Variants in TCF24 observed in about 807,000 individuals in gnomAD.
TCF24 encodes the protein transcription factor 24.
A neutral mutation model predicts 9.3 loss-of-function variants in TCF24; 5 were observed. That is an observed-to-expected ratio of 0.54 (90% CI 0.28 to 1.13). TCF24 has a LOEUF of 1.13. TCF24 is among the 50% of genes most tolerant of loss of function. The pLI, the probability that TCF24 is intolerant of heterozygous loss-of-function variation, is 0.09. For missense variants in TCF24, 220 were observed against 236.1 expected (o/e 0.93, Z 0.45); for synonymous variants, 110 against 115.8 (o/e 0.95, Z 0.32).
Position 66,961,441 on chromosome 8 carries a change from C to G in TCF24, c.325G>C (p.Ala109Pro). 1 of 1,525,988 alleles carries G rather than the reference C, an allele frequency of 6.6e-7. No homozygotes were observed. The highest frequency in any genetic ancestry group is 8.7e-7 in the Non-Finnish European group (1 of 1,142,908). 94.5% of individuals were successfully genotyped at this position (1,525,988 alleles called of 1,614,324 possible). Reference sequence around the variant, plus strand: ...AACCCGGCGTCCGCCGGCGCCTCGGCGTCGTCCTGCAGGCTGCGGGTGAGA... The same window carrying G: ...AACCCGGCGTCCGCCGGCGCCTCGGGGTCGTCCTGCAGGCTGCGGGTGAGA... ...AHLTRSLQDD[A>P]EAPADAGLGA... Residue 109 changes from alanine (A) to proline (P), a missense_variant, in exon 3 of 4, where the codon GCC becomes CCC. Ala to Pro is a conservative substitution (Grantham distance 27). Coordinates refer to ENST00000563496, the MANE Select transcript of TCF24 (RefSeq NM_001193502.2).
chr8:66,953,322 C>T (rs1814088285), intron 3 of TCF24, among the ~76,000 whole-genome samples: 1 of 150,420 alleles, frequency 6.6e-6, no homozygotes, highest in Non-Finnish European at 1.5e-5. Flanking sequence ...ATTTGCTTGT[C>T]TGTAAAGTAT....
chr8:66,949,253 C>A (rs531422890), intron 3 of TCF24, among the ~76,000 whole-genome samples: 15 of 152,146 alleles, frequency 9.9e-5, no homozygotes, highest in African/African-American at 2.4e-4. Context: ...ATCCCTCCCC[C>A]CTCCTCCCAC....
rs182620885 is a variant in TCF24, at chr8:66,955,018, G to A, written c.390+6358C>T. ...TGGCACTGCCTAGTGAGATGAACCC[G>A]GTACCTCAGATGGGAATGCAGAAAT... is the stretch of plus-strand genomic sequence containing the variant. On this transcript the variant is annotated intron_variant, in intron 3 of 3. Coordinates refer to ENST00000563496, the MANE Select transcript of TCF24 (RefSeq NM_001193502.2). The A allele has an allele frequency of 6.5e-3, 1,012 of 156,898 alleles. 4 individuals are homozygous for A. The highest frequency in any genetic ancestry group is 0.023 in the African/African-American group (962 of 41,604). 9.7% of individuals were successfully genotyped at this position (156,898 alleles called of 1,614,324 possible).
intron 3 of TCF24, among the ~76,000 whole-genome samples, chr8:66,954,320 C>A (rs1814112662): frequency 1.3e-5 from 2 of 151,946 alleles, no homozygotes; most frequent in Admixed American, 6.5e-5. Context: ...ACAGACAGGA[C>A]CCTCAGCTGC....
intron 3 of TCF24, among the ~76,000 whole-genome samples, chr8:66,951,216 T>C (rs1188917516): frequency 7.2e-6 from 1 of 138,122 alleles, no homozygotes; most frequent in Non-Finnish European, 1.5e-5. Flanking sequence ...CAGTATGATA[T>C]TGGCTGTGGG....
At chr8:66,950,100 CTTTAG>C (rs1814032825) in intron 3 of TCF24, among the ~76,000 whole-genome samples, 2 of 125,014 alleles carry the variant, frequency 1.6e-5, no homozygotes, top group African/African-American at 3.1e-5. Flanking sequence ...TGCAGAAGCT[CTTTAG>C]TTTAATTAGA....
chr8:66,959,161 A>G (rs1376160240), intron 3 of TCF24, among the ~76,000 whole-genome samples: 1 of 152,192 alleles, frequency 6.6e-6, no homozygotes, highest in East Asian at 1.9e-4. Flanking sequence ...TTGCTATGAA[A>G]TGCTCTTAAA....
intron 3 of TCF24, among the ~76,000 whole-genome samples, chr8:66,948,971 C>T (rs916858216): frequency 1.3e-5 from 2 of 152,154 alleles, no homozygotes; most frequent in Non-Finnish European, 2.9e-5. Flanking sequence ...GCTGGGATTA[C>T]AGGCGTGAGC....
chr8:66,961,869 G>A lies in TCF24; in HGVS notation c.-24+8C>T. ...GGCGCAGCCCCCTGGTTCTCCCCGT[G>A]CGCCCACCAGCAGCCCAACGGGGCT... On this transcript the variant is annotated splice_region_variant and intron_variant, in intron 2 of 3. Coordinates refer to ENST00000563496, the MANE Select transcript of TCF24 (RefSeq NM_001193502.2). The A allele has an allele frequency of 1.0e-6, 1 of 952,410 alleles. No homozygotes were observed. Among genetic ancestry groups the A allele is most frequent in the Non-Finnish European group, 1.3e-6 (1 of 796,240 alleles). The allele number at this position is 952,410 out of a possible 1,614,324, so 59.0% of individuals were successfully genotyped here.
chr8:66,959,348 T>C (rs1208882481), intron 3 of TCF24, among the ~76,000 whole-genome samples: 1 of 152,264 alleles, frequency 6.6e-6, no homozygotes, highest in Non-Finnish European at 1.5e-5. Flanking sequence ...CAATAGTTTA[T>C]AATGAGCCTT....
chr8:66,961,871 GC>G lies in TCF24; in HGVS notation c.-24+5del. Reference sequence around the variant, plus strand: ...CGCAGCCCCCTGGTTCTCCCCGTGCGCCCACCAGCAGCCCAACGGGGCTAAG... The same window carrying G: ...CGCAGCCCCCTGGTTCTCCCCGTGCGCCACCAGCAGCCCAACGGGGCTAAG... On this transcript the variant is annotated splice_donor_5th_base_variant and intron_variant, in intron 2 of 3. Transcript: ENST00000563496. 1 of 952,054 alleles carries G rather than the reference GC, an allele frequency of 1.1e-6. No homozygotes were observed. The highest frequency in any genetic ancestry group is 1.3e-6 in the Non-Finnish European group (1 of 795,790). The allele number at this position is 952,054 out of a possible 1,614,324, so 59.0% of individuals were successfully genotyped here.
intron 3 of TCF24, among the ~76,000 whole-genome samples, chr8:66,957,986 C>G (rs12545549): frequency 1.3e-5 from 2 of 148,480 alleles, no homozygotes; most frequent in Admixed American, 1.3e-4. Flanking sequence ...TTCATCCTTG[C>G]TAGGATAAAA....
At chr8:66,962,167 G>C (rs1814270463) in intron 1 of TCF24, among the ~76,000 whole-genome samples, 162 bp downstream of exon 1, 3 of 152,250 alleles carry the variant, frequency 2.0e-5, no homozygotes, top group Admixed American at 2.0e-4. Context: ...CCTTCTCGCC[G>C]ACGCCGCGGA....
chr8:66,957,633 C>T (rs1814181218), intron 3 of TCF24, among the ~76,000 whole-genome samples: 1 of 151,906 alleles, frequency 6.6e-6, no homozygotes, highest in African/African-American at 2.4e-5. Flanking sequence ...TTTGTTATGG[C>T]AGACTAATAC....
At chr8:66,955,187 A>G (rs1026712395) in intron 3 of TCF24, 2 of 152,208 alleles carry the variant, frequency 1.3e-5, no homozygotes, top group African/African-American at 4.8e-5. Context: ...ATTTTTCTAA[A>G]TTCATCTTTA....
At chr8:66,959,759 AAAAT>A (rs1398504339) in intron 3 of TCF24, among the ~76,000 whole-genome samples, 10 of 152,260 alleles carry the variant, frequency 6.6e-5, no homozygotes, top group Non-Finnish European at 1.3e-4. Flanking sequence ...TTCATTTAAA[AAAAT>A]AATCCTTGGC....
chr8:66,954,935 C>A (rs557832998), intron 3 of TCF24: 1 of 153,884 alleles, frequency 6.5e-6, no homozygotes, highest in African/African-American at 2.4e-5. Flanking sequence ...TGAGGCAATG[C>A]CTCGCCCTGC....
chr8:66,950,295 GAAGGGATCCAGT>G (rs1814038537), intron 3 of TCF24, among the ~76,000 whole-genome samples: 1 of 150,108 alleles, frequency 6.7e-6, no homozygotes, highest in African/African-American at 2.4e-5. Flanking sequence ...AAGGTGTAAG[GAAGGGATCCAGT>G]TTCAGCTTTC....
At chr8:66,957,111 CAAAAA>C (rs1165600722) in intron 3 of TCF24, among the ~76,000 whole-genome samples, 2 of 15,728 alleles carry the variant, frequency 1.3e-4, no homozygotes, top group Admixed American at 1.8e-3. Context: ...GACTCCGTCT[CAAAAA>C]AAAAAAAAAA....
Sources: gnomAD v4.1 joint callset for allele counts (sites outside exome capture counted in the v4.1 genomes callset) on GRCh38, gnomAD v4.1.1 for gene constraint, MANE v1.5 for transcripts, NCBI Gene and HGNC (gene_info 2026-07-23, HGNC 2026-07-21) for gene names.